Variants in TMEM132C observed in about 807,000 individuals in gnomAD.
TMEM132C encodes the protein protein phosphatase 1, regulatory subunit 152.
TMEM132C carries 29 observed loss-of-function variants against 61.4 expected under a neutral mutation model. The ratio of observed to expected loss-of-function variants is 0.47; its 90% confidence interval spans 0.35 to 0.64. The LOEUF (loss-of-function observed/expected upper bound fraction) is 0.64, where lower values mean the gene tolerates loss of function less well. TMEM132C is among the 30% of genes least tolerant of loss of function. TMEM132C has a pLI of 0.00. For missense variants in TMEM132C, 1,408 were observed against 1,476.9 expected, an observed-to-expected ratio of 0.95 and a Z score of 0.76; for synonymous variants, 656 against 633.1, an observed-to-expected ratio of 1.04 and a Z score of -0.54.
intron 1 of TMEM132C, among the ~76,000 whole-genome samples, chr12:128,392,054 CTCTCTCTCTT>C (rs57151387): frequency 0.02 from 1,677 of 83,354 alleles, 25 homozygotes; most frequent in African/African-American, 0.08. Flanking sequence ...CTGTCTCTGT[CTCTCTCTCTT>C]TCTCTCTCTC....
intron 4 of TMEM132C, among the ~76,000 whole-genome samples, chr12:128,627,576 C>G (rs557748917): frequency 6.6e-6 from 1 of 152,316 alleles, no homozygotes; most frequent in South Asian, 2.1e-4. Flanking sequence ...TCTAGGGAAA[C>G]AGCAACGAGC....
At chr12:128,553,535 C>T (rs1874240023) in intron 3 of TMEM132C, among the ~76,000 whole-genome samples, 1 of 152,116 alleles carries the variant, frequency 6.6e-6, no homozygotes, top group East Asian at 1.9e-4. Context: ...TTGCTTGTCC[C>T]ATACTTAGCT....
chr12:128,283,395 A>G (rs1002672788), intron 1 of TMEM132C, among the ~76,000 whole-genome samples: 5 of 152,172 alleles, frequency 3.3e-5, no homozygotes, highest in African/African-American at 9.7e-5. Context: ...CTGGCTCTGC[A>G]TGTGCTCATG....
Position 128,706,131 on chromosome 12 carries a change from A to C in TMEM132C, c.3163A>C (p.Lys1055Gln). 1 of 1,551,746 alleles carries C rather than the reference A, an allele frequency of 6.4e-7. No homozygotes were observed. Among genetic ancestry groups the C allele is most frequent in the Non-Finnish European group, 8.7e-7 (1 of 1,146,998 alleles). ...GCCCACCTCCAAGAGGAAGAAGGTG[A>C]AATTTACCACCTTTACCACCATCCC... ...HSPTSKRKKV[K>Q]FTTFTTIPPD... The change falls in exon 9 of 9, where the codon AAA (lysine) becomes CAA (glutamine). Residue 1055 changes from lysine (K) to glutamine (Q), a missense_variant. Physicochemically the swap from Lys to Gln is moderately conservative, Grantham distance 53. Coordinates refer to ENST00000435159, the MANE Select transcript of TMEM132C (RefSeq NM_001136103.3).
chr12:128,557,929 A>G (rs1028875433), intron 3 of TMEM132C, among the ~76,000 whole-genome samples: 2 of 152,344 alleles, frequency 1.3e-5, no homozygotes, highest in African/African-American at 2.4e-5. Flanking sequence ...ACAAATAACA[A>G]CGTGGCCTCT....
At chr12:128,569,939 T>C (rs1188565731) in intron 3 of TMEM132C, among the ~76,000 whole-genome samples, 1 of 152,242 alleles carries the variant, frequency 6.6e-6, no homozygotes, top group African/African-American at 2.4e-5. Flanking sequence ...AAGTCTCTTC[T>C]GGTCTCCAAG....
intron 1 of TMEM132C, among the ~76,000 whole-genome samples, chr12:128,332,358 C>T (rs1323395731): frequency 6.6e-6 from 1 of 152,198 alleles, no homozygotes; most frequent in African/African-American, 2.4e-5. Flanking sequence ...AGCCCCAGAA[C>T]TATCGTCTAG....
intron 5 of TMEM132C, among the ~76,000 whole-genome samples, chr12:128,671,007 G>T (rs1274521484): frequency 6.6e-6 from 1 of 152,156 alleles, no homozygotes. Flanking sequence ...CATTTGTGCT[G>T]TGGGTTGGCC....
chr12:128,367,420 GCTTCA>G (rs1283380098), intron 1 of TMEM132C, among the ~76,000 whole-genome samples: 1 of 152,180 alleles, frequency 6.6e-6, no homozygotes, highest in Non-Finnish European at 1.5e-5. Context: ...GTTTTTGGCA[GCTTCA>G]CCTAGGTGAC....
intron 2 of TMEM132C, among the ~76,000 whole-genome samples, chr12:128,435,277 C>A (rs2136041913): frequency 6.6e-6 from 1 of 152,282 alleles, no homozygotes; most frequent in Admixed American, 6.5e-5. Flanking sequence ...AACTAGTGCA[C>A]CAGGTGCTGC....
chr12:128,453,405 G>C (rs570231033), intron 2 of TMEM132C, among the ~76,000 whole-genome samples: 1 of 152,196 alleles, frequency 6.6e-6, no homozygotes, highest in Non-Finnish European at 1.5e-5. Flanking sequence ...TTCTCCCTTT[G>C]TGGTCTTTCA....
intron 1 of TMEM132C, among the ~76,000 whole-genome samples, chr12:128,413,192 G>T (rs533124388): frequency 6.6e-6 from 1 of 151,168 alleles, no homozygotes; most frequent in East Asian, 2.0e-4. Context: ...CCAGCTACTC[G>T]GGAGGCCGAG....
At chr12:128,468,848 C>CT (rs1426613429) in intron 2 of TMEM132C, among the ~76,000 whole-genome samples, 1 of 152,096 alleles carries the variant, frequency 6.6e-6, no homozygotes, top group Non-Finnish European at 1.5e-5. Flanking sequence ...ACAGATATTA[C>CT]TACTTAAGAC....
At chr12:128,342,350 A>G (rs550505343) in intron 1 of TMEM132C, among the ~76,000 whole-genome samples, 2 of 152,326 alleles carry the variant, frequency 1.3e-5, no homozygotes, top group South Asian at 4.1e-4. Context: ...AGAAACAGGA[A>G]GAGAAGAAAG....
chr12:128,277,903 C>T (rs1870747699), intron 1 of TMEM132C, among the ~76,000 whole-genome samples: 1 of 152,094 alleles, frequency 6.6e-6, no homozygotes, highest in Non-Finnish European at 1.5e-5. Flanking sequence ...CTCTTTTCTG[C>T]TTGTCTTGAC....
At chr12:128,551,212 C>A (rs540164769) in intron 3 of TMEM132C, among the ~76,000 whole-genome samples, 7 of 149,608 alleles carry the variant, frequency 4.7e-5, no homozygotes, top group African/African-American at 1.0e-4. Context: ...CATAAGAGCC[C>A]CCCCCCTCCC....
At chr12:128,412,868 T>C (rs978964902) in intron 1 of TMEM132C, among the ~76,000 whole-genome samples, 4 of 152,220 alleles carry the variant, frequency 2.6e-5, no homozygotes, top group Non-Finnish European at 5.9e-5. Context: ...TTGAAAGCAC[T>C]CCATATTGCT....
intron 4 of TMEM132C, among the ~76,000 whole-genome samples, chr12:128,634,476 C>T (rs953246242): frequency 9.2e-5 from 14 of 152,254 alleles, no homozygotes; most frequent in African/African-American, 2.2e-4. Flanking sequence ...AAAATATCTG[C>T]GTGCTGCTTC....
chr12:128,344,723 T>A (rs1444985631), intron 1 of TMEM132C, among the ~76,000 whole-genome samples: 1 of 152,180 alleles, frequency 6.6e-6, no homozygotes, highest in Non-Finnish European at 1.5e-5. Context: ...TCACTAATGA[T>A]GCTGAGCATC....
Sources: allele counts gnomAD v4.1 joint callset (sites outside exome capture counted in the v4.1 genomes callset), GRCh38; gene constraint gnomAD v4.1.1; transcripts MANE v1.5; gene names NCBI Gene and HGNC (gene_info 2026-07-23, HGNC 2026-07-21).